JPH1: variants seen among roughly 807,000 people sequenced by gnomAD.
JPH1 encodes junctophilin 1, also known as junctophilin-1.
Under a neutral mutation model 53.6 loss-of-function variants are expected in JPH1, and 12 were observed. The ratio of observed to expected loss-of-function variants is 0.22; its 90% CI spans 0.14 to 0.36. The LOEUF (loss-of-function observed/expected upper bound fraction) is 0.36. JPH1 is among the 10% of genes least tolerant of loss of function. The pLI, the probability that JPH1 is intolerant of heterozygous loss-of-function variation, is 1.00. For synonymous variants in JPH1, 375 were observed against 363.8 expected, an observed-to-expected ratio of 1.03 and a Z score of -0.35; for missense variants, 808 against 905.5, an observed-to-expected ratio of 0.89 and a Z score of 1.38.
chr8:74,286,514 A>G (rs1807168904), intron 2 of JPH1, among the ~76,000 whole-genome samples: 1 of 152,088 alleles, frequency 6.6e-6, no homozygotes, highest in Non-Finnish European at 1.5e-5. Context: ...AAACACCAGA[A>G]CTTATTCTTC....
intron 2 of JPH1, among the ~76,000 whole-genome samples, chr8:74,277,240 C>T (rs1199545320): frequency 6.6e-6 from 1 of 152,178 alleles, no homozygotes; most frequent in Admixed American, 6.5e-5. Context: ...CGCTGTGCTC[C>T]CGCCATCTGG....
intron 2 of JPH1, among the ~76,000 whole-genome samples, chr8:74,276,569 C>A (rs1806854960): frequency 6.6e-6 from 1 of 152,226 alleles, no homozygotes; most frequent in South Asian, 2.1e-4. Context: ...TTACTGTTAA[C>A]ACCGAGTGCT....
chr8:74,284,231 C>T (rs1807096625), intron 2 of JPH1, among the ~76,000 whole-genome samples: 1 of 152,168 alleles, frequency 6.6e-6, no homozygotes, highest in Admixed American at 6.5e-5. Context: ...TCTCCTTTAT[C>T]CTCTCTTGAG....
At chr8:74,275,269 T>G (rs749255997) in intron 2 of JPH1, among the ~76,000 whole-genome samples, 14 of 152,294 alleles carry the variant, frequency 9.2e-5, no homozygotes, top group Admixed American at 6.5e-4. Context: ...CTTTCAAACT[T>G]ATCTACATAG....
intron 2 of JPH1, among the ~76,000 whole-genome samples, chr8:74,288,031 T>C (rs1214545614): frequency 6.6e-6 from 1 of 152,050 alleles, no homozygotes; most frequent in Non-Finnish European, 1.5e-5. Context: ...GCAAAGAAAA[T>C]TAACTCCAGG....
At chr8:74,256,835 C>T (rs1029358583) in intron 3 of JPH1, among the ~76,000 whole-genome samples, 3 of 152,174 alleles carry the variant, frequency 2.0e-5, no homozygotes, top group African/African-American at 7.2e-5. Flanking sequence ...ACTGCCAGCT[C>T]CTGAAAATAG....
chr8:74,283,453 G>A (rs1446020433), intron 2 of JPH1, among the ~76,000 whole-genome samples: 3 of 152,130 alleles, frequency 2.0e-5, no homozygotes, highest in African/African-American at 4.8e-5. Context: ...TGCACTGATG[G>A]TTGCATACAG....
At chr8:74,263,932 T>C (rs1806464971) in intron 2 of JPH1, among the ~76,000 whole-genome samples, 1 of 152,208 alleles carries the variant, frequency 6.6e-6, no homozygotes, top group African/African-American at 2.4e-5. Flanking sequence ...AATCAGTCTG[T>C]TAAGCAAGGA....
At chr8:74,318,531 G>A (rs1400234916) in intron 1 of JPH1, among the ~76,000 whole-genome samples, 1 of 152,166 alleles carries the variant, frequency 6.6e-6, no homozygotes, top group Non-Finnish European at 1.5e-5. Flanking sequence ...GATTTCATGA[G>A]TATGATACTA....
chr8:74,305,265 G>A (rs565905507), intron 2 of JPH1, among the ~76,000 whole-genome samples: 1 of 152,334 alleles, frequency 6.6e-6, no homozygotes, highest in African/African-American at 2.4e-5. Context: ...TTGTGAGCAG[G>A]GTGCTTCGGC....
Position 74,248,642 on chromosome 8 carries a change from C to T in JPH1, c.1259-3467G>A, listed in dbSNP as rs115711566. Among the ~76,000 whole-genome samples the T allele has an allele frequency of 8.9e-3, 1,349 of 152,286 alleles. 21 individuals carry two copies. The highest frequency in any genetic ancestry group is 0.023 in the South Asian group (112 of 4,818). On this transcript the variant is annotated intron_variant, in intron 3 of 5. Coordinates refer to ENST00000342232, the MANE Select transcript of JPH1 (RefSeq NM_020647.4). ...TCCAACGTGGCACAGTCATACAAGT[C>T]CTAGCCAACTAAATGAGGATATACA...
rs1185150393 is a variant in JPH1 at position 74,320,891 on chromosome 8, G to A, written c.379+18C>T. On this transcript the variant is annotated intron_variant, in intron 1 of 5. Coordinates refer to ENST00000342232, the MANE Select transcript of JPH1 (RefSeq NM_020647.4). The surrounding 1 kb of genome is among the most constrained non-coding windows in gnomAD (Gnocchi z 4.4). ...CACCAGCTCGCGGAGCAGCCGAGCC[G>A]CCCGTTACGCCGCTCACCTCCGTCC... The A allele has an allele frequency of 2.0e-6, 3 of 1,495,430 alleles. No individual in the cohort carries two copies. Among genetic ancestry groups the A allele is most frequent in the Non-Finnish European group, 2.7e-6 (3 of 1,122,892 alleles). The allele number at this position is 1,495,430 out of a possible 1,614,324, so 92.6% of individuals were successfully genotyped here. A position where few individuals can be genotyped will look rare whatever the true frequency, so the allele number is the denominator to read the frequency against.
intron 2 of JPH1, among the ~76,000 whole-genome samples, chr8:74,303,490 G>A (rs1445534728): frequency 1.3e-5 from 2 of 152,070 alleles, no homozygotes; most frequent in Non-Finnish European, 2.9e-5. Flanking sequence ...AATCTGCTTG[G>A]GAGGCTCTCA....
intron 3 of JPH1, among the ~76,000 whole-genome samples, chr8:74,255,794 C>A (rs938639076): frequency 1.3e-4 from 20 of 152,168 alleles, no homozygotes; most frequent in Non-Finnish European, 2.6e-4. Flanking sequence ...TGAAAAAATG[C>A]TCATCATCAC....
chr8:74,255,243 T>C (rs1278805862), intron 3 of JPH1, among the ~76,000 whole-genome samples: 3 of 152,010 alleles, frequency 2.0e-5, no homozygotes, highest in African/African-American at 7.3e-5. Flanking sequence ...TAATGCTGCA[T>C]ATCTACAACT....
chr8:74,264,909 C>A (rs1297269681), intron 2 of JPH1, among the ~76,000 whole-genome samples: 1 of 152,192 alleles, frequency 6.6e-6, no homozygotes, highest in Non-Finnish European at 1.5e-5. Context: ...CTGATCTTAA[C>A]TCCTGTGCTT....
chr8:74,267,414 G>A (rs1174851707), intron 2 of JPH1, among the ~76,000 whole-genome samples: 1 of 152,172 alleles, frequency 6.6e-6, no homozygotes, highest in Non-Finnish European at 1.5e-5. Flanking sequence ...ATAAATCCTG[G>A]GCTTCTTTTA....
At chr8:74,304,205 G>C (rs1807767553) in intron 2 of JPH1, among the ~76,000 whole-genome samples, 1 of 152,232 alleles carries the variant, frequency 6.6e-6, no homozygotes, top group Non-Finnish European at 1.5e-5. Context: ...ACTCCATGAT[G>C]AAAAGGATTA....
rs774018490 is a variant in JPH1, at chr8:74,315,271, C to T, written c.729G>A (p.Ala243=). 2.5e-6 allele frequency: 4 copies of T among 1,614,058 alleles called. No homozygotes were observed. Among genetic ancestry groups the T allele is most frequent in the South Asian group, 2.2e-5 (2 of 91,092 alleles). The change falls in exon 2 of 6, where the codon GCG becomes GCA. Residue 243 remains alanine (A), a synonymous_variant. Transcript: ENST00000342232. This position sits in a 1 kb window ranked among gnomAD's most constrained non-coding sequence, Gnocchi z 6.3. ...SSKRSSVRSD[A]AMSRISSSDA... is the part of the protein sequence containing the mutation. ...CGCTGGAACTAATTCTGCTCATGGC[C>T]GCGTCGCTGCGGACAGAGCTGCGCT...
Sources: allele counts gnomAD v4.1 joint callset (sites outside exome capture counted in the v4.1 genomes callset), GRCh38; gene constraint gnomAD v4.1.1; non-coding constraint Gnocchi (gnomAD v3.1); transcripts MANE v1.5; gene names NCBI Gene and HGNC (gene_info 2026-07-23, HGNC 2026-07-21).